Variants in PDE1C observed in about 807,000 individuals in gnomAD.
PDE1C encodes the protein phosphodiesterase 1C.
PDE1C carries 62 observed loss-of-function variants against 93.1 expected under a neutral mutation model. The ratio of observed to expected loss-of-function variants is 0.67; its 90% confidence interval spans 0.54 to 0.82. The LOEUF is 0.82. Ranked by LOEUF, PDE1C falls within the 40% of genes least tolerant of loss-of-function variation. PDE1C has a pLI of 0.00. For synonymous variants in PDE1C, 325 were observed against 310.1 expected (o/e 1.05, Z -0.50); for missense variants, 742 against 884.6 (o/e 0.84, Z 2.04).
At chr7:32,084,909 C>A (rs368177339) in intron 3 of PDE1C, among the ~76,000 whole-genome samples, 1 of 147,036 alleles carries the variant, frequency 6.8e-6, no homozygotes, top group Non-Finnish European at 1.5e-5. Flanking sequence ...AGGAAAGATC[C>A]AAAATTGACA....
chr7:31,903,988 C>A lies in PDE1C; in HGVS notation c.129-23128G>T, dbSNP rs78414016. On this transcript the variant is annotated intron_variant, in intron 2 of 17. Coordinates refer to ENST00000396191, the MANE Select transcript of PDE1C (RefSeq NM_001191057.4). ...CTCATAAACTTATTCTGACCTTCAA[C>A]GTTGGTGTATAATTGCACATTTATA... Among the ~76,000 whole-genome samples, 831 of 152,176 alleles carry A rather than the reference C, an allele frequency of 5.5e-3. 4 individuals are homozygous for A. The highest frequency in any genetic ancestry group is 0.019 in the African/African-American group (802 of 41,536).
rs1797125376 is a variant in PDE1C at position 31,880,630 on chromosome 7, CA to C, written c.242+116del. 7 of 641,982 alleles carry C rather than the reference CA, an allele frequency of 1.1e-5. No individual in the cohort carries two copies. The Admixed American group carries it at 1.1e-4, about 10-fold the overall frequency. 39.8% of individuals were successfully genotyped at this position (641,982 alleles called of 1,614,324 possible). A position where few individuals can be genotyped will look rare whatever the true frequency, so the allele number is the denominator to read the frequency against. On this transcript the variant is annotated intron_variant, in intron 3 of 17. Transcript: ENST00000396191. ...CTCTTTGTTTGTGGAAACTAAAACT[CA>C]AAGATGAGTAATTTGAATGTCACCC...
At chr7:31,803,727 G>T (rs113437674) in intron 16 of PDE1C, among the ~76,000 whole-genome samples, 1 of 151,788 alleles carries the variant, frequency 6.6e-6, no homozygotes, top group Non-Finnish European at 1.5e-5. Context: ...GGACATGAAC[G>T]CATCATTTTT....
At chr7:32,394,364 G>C (rs1784804082) in intron 1 of PDE1C, among the ~76,000 whole-genome samples, 1 of 152,210 alleles carries the variant, frequency 6.6e-6, no homozygotes, top group South Asian at 2.1e-4. Flanking sequence ...CCAAATCTCA[G>C]GTTGAAATCT....
At chr7:32,201,950 C>T (rs932078361) in intron 2 of PDE1C, among the ~76,000 whole-genome samples, 5 of 152,070 alleles carry the variant, frequency 3.3e-5, no homozygotes, top group African/African-American at 1.2e-4. Context: ...TATGTCAGAG[C>T]AATAGGAAGA....
At chr7:32,135,374 A>T (rs1188978141) in intron 3 of PDE1C, among the ~76,000 whole-genome samples, 1 of 152,178 alleles carries the variant, frequency 6.6e-6, no homozygotes, top group Non-Finnish European at 1.5e-5. Flanking sequence ...CATATATCTG[A>T]TAAGGGGTTA....
chr7:32,065,571 G>A (rs1451024354), intron 1 of PDE1C, among the ~76,000 whole-genome samples: 1 of 151,514 alleles, frequency 6.6e-6, no homozygotes, highest in Non-Finnish European at 1.5e-5. Flanking sequence ...AGTTAAGTAA[G>A]TATCTTACCT....
At chr7:32,324,443 C>T (rs1390607256) in intron 1 of PDE1C, among the ~76,000 whole-genome samples, 2 of 152,200 alleles carry the variant, frequency 1.3e-5, no homozygotes, top group Admixed American at 1.3e-4. Flanking sequence ...CTCCTTTAAG[C>T]ACTTTGTTCC....
intron 2 of PDE1C, among the ~76,000 whole-genome samples, chr7:32,004,426 G>A (rs79099868): frequency 0.014 from 2,076 of 152,246 alleles, 43 homozygotes; most frequent in African/African-American, 0.045. Flanking sequence ...GCCACCTGGC[G>A]TCCACTCCTC....
At chr7:31,679,507 C>G in the PDE1C span, among the ~76,000 whole-genome samples, 1 of 152,214 alleles carries the variant, frequency 6.6e-6, no homozygotes, top group Admixed American at 6.5e-5. Flanking sequence ...TTAGTCAACA[C>G]TTTTCCTTAT....
intron 2 of PDE1C, among the ~76,000 whole-genome samples, chr7:31,895,384 A>G (rs1228055568): frequency 2.6e-5 from 4 of 152,158 alleles, no homozygotes; most frequent in African/African-American, 9.7e-5. Context: ...CCAAGCAGAC[A>G]AGAGATATCA....
intron 2 of PDE1C, among the ~76,000 whole-genome samples, chr7:32,193,344 A>G (rs1281001891): frequency 6.6e-6 from 1 of 152,128 alleles, no homozygotes; most frequent in Non-Finnish European, 1.5e-5. Context: ...TTTTTCTGAG[A>G]GTTTCTATCA....
chr7:32,113,499 AT>A (rs1404396716), intron 3 of PDE1C, among the ~76,000 whole-genome samples: 2 of 151,116 alleles, frequency 1.3e-5, no homozygotes, highest in Admixed American at 6.6e-5. Context: ...CTGTCCTTTT[AT>A]TTCTAATTTT....
chr7:32,137,696 T>C (rs1282940095), intron 3 of PDE1C, among the ~76,000 whole-genome samples: 1 of 152,160 alleles, frequency 6.6e-6, no homozygotes, highest in Non-Finnish European at 1.5e-5. Flanking sequence ...ATTATTCAAG[T>C]TTTGTCTACA....
At chr7:32,138,423 C>G (rs976287017) in intron 3 of PDE1C, among the ~76,000 whole-genome samples, 1 of 152,076 alleles carries the variant, frequency 6.6e-6, no homozygotes, top group Admixed American at 6.6e-5. Context: ...CTCAGAACTC[C>G]TTATGCAAAC....
chr7:32,091,211 T>C (rs1250731879), intron 3 of PDE1C, among the ~76,000 whole-genome samples: 2 of 152,224 alleles, frequency 1.3e-5, no homozygotes, highest in Non-Finnish European at 2.9e-5. Flanking sequence ...AAGTAACTTA[T>C]ACAAATCAGA....
intron 2 of PDE1C, among the ~76,000 whole-genome samples, chr7:32,172,722 T>C (rs919661907): frequency 2.0e-5 from 3 of 150,982 alleles, no homozygotes; most frequent in Admixed American, 6.6e-5. Context: ...CTTGGGAGTC[T>C]GAGGCAGGAG....
At chr7:32,009,182 G>A (rs1350028147) in intron 2 of PDE1C, among the ~76,000 whole-genome samples, 2 of 152,186 alleles carry the variant, frequency 1.3e-5, no homozygotes, top group East Asian at 1.9e-4. Flanking sequence ...GGAGATATGC[G>A]AAACAAAGAC....
At chr7:32,251,922 G>A (rs1809419725) in intron 1 of PDE1C, among the ~76,000 whole-genome samples, 1 of 152,076 alleles carries the variant, frequency 6.6e-6, no homozygotes, top group Admixed American at 6.6e-5. Context: ...GTCCTTTTAG[G>A]TGAGATCTGG....
Sources: gnomAD v4.1 joint callset for allele counts (sites outside exome capture counted in the v4.1 genomes callset) on GRCh38, gnomAD v4.1.1 for gene constraint, MANE v1.5 for transcripts, NCBI Gene and HGNC (gene_info 2026-07-23, HGNC 2026-07-21) for gene names.